Variants in DLGAP2 observed in about 807,000 individuals in gnomAD.
DLGAP2 encodes disks large-associated protein 2.
DLGAP2 carries 26 observed loss-of-function variants against 100.3 expected under a neutral mutation model. That is an observed-to-expected ratio of 0.26 (90% CI 0.19 to 0.36). DLGAP2 has a LOEUF of 0.36. DLGAP2 is among the 10% of genes least tolerant of loss of function. The pLI is 1.00. For missense variants in DLGAP2, 1,858 were observed against 1,453.2 expected, an observed-to-expected ratio of 1.28 and a Z score of -4.53; for synonymous variants, 886 against 630.1, an observed-to-expected ratio of 1.41 and a Z score of -6.08.
intron 2 of DLGAP2, among the ~76,000 whole-genome samples, chr8:1,049,727 G>T (rs564983347): frequency 6.2e-4 from 93 of 151,106 alleles, no homozygotes; most frequent in Non-Finnish European, 1.0e-3. Flanking sequence ...ATGAATGGAG[G>T]CACAGACATA....
At chr8:906,157 G>A (rs1412006368) in intron 1 of DLGAP2, among the ~76,000 whole-genome samples, 1 of 152,226 alleles carries the variant, frequency 6.6e-6, no homozygotes, top group East Asian at 1.9e-4. Flanking sequence ...TGTGATTTCA[G>A]CCGGGAGGAG....
chr8:1,528,518 G>A (rs1373573860), intron 4 of DLGAP2, among the ~76,000 whole-genome samples: 2 of 152,250 alleles, frequency 1.3e-5, no homozygotes, highest in Admixed American at 6.5e-5. Context: ...GAACTTGACA[G>A]AAATGTAGAT....
At chr8:1,241,174 GCGCCGTGTCTCGTTCTCT>G (rs1489994849) in intron 2 of DLGAP2, among the ~76,000 whole-genome samples, 5 of 19,370 alleles carry the variant, frequency 2.6e-4, no homozygotes, top group Admixed American at 8.1e-4. Context: ...CTCTCACGTG[GCGCCGTGTCTCGTTCTCT>G]CACATGGAGC....
At chr8:978,878 C>T (rs919223704) in intron 2 of DLGAP2, among the ~76,000 whole-genome samples, 4 of 152,166 alleles carry the variant, frequency 2.6e-5, no homozygotes, top group African/African-American at 9.7e-5. Flanking sequence ...ATCCCAAATA[C>T]TCATAGCCAA....
At chr8:837,351 C>G (rs1163039878) in intron 1 of DLGAP2, among the ~76,000 whole-genome samples, 2 of 152,338 alleles carry the variant, frequency 1.3e-5, no homozygotes, top group East Asian at 3.9e-4. Flanking sequence ...AGCCACTTTT[C>G]GTGGTTCCTG....
chr8:1,510,633 G>A (rs572000660), intron 4 of DLGAP2, among the ~76,000 whole-genome samples: 3 of 152,202 alleles, frequency 2.0e-5, no homozygotes, highest in Non-Finnish European at 2.9e-5. Flanking sequence ...GTCACAGGAC[G>A]CGCATTCTCA....
At chr8:1,606,523 A>G (rs1796805899) in intron 6 of DLGAP2, among the ~76,000 whole-genome samples, 1 of 152,160 alleles carries the variant, frequency 6.6e-6, no homozygotes, top group African/African-American at 2.4e-5. Flanking sequence ...CGTTTTCAAC[A>G]TTGATCCACA....
At chr8:822,033 G>A (rs562440377) in intron 1 of DLGAP2, 50 of 398,290 alleles carry the variant, frequency 1.3e-4, no homozygotes, top group Non-Finnish European at 2.1e-4. Context: ...TTTCCCCATA[G>A]GGGAGGTTAT....
chr8:1,186,873 C>A (rs987088127), intron 2 of DLGAP2, among the ~76,000 whole-genome samples: 1 of 152,166 alleles, frequency 6.6e-6, no homozygotes, highest in Admixed American at 6.5e-5. Flanking sequence ...CATGCCCCCA[C>A]GTCTGCCCTA....
At chr8:745,305 G>A (rs1253575543) in intron 1 of DLGAP2, among the ~76,000 whole-genome samples, 1 of 152,166 alleles carries the variant, frequency 6.6e-6, no homozygotes, top group African/African-American at 2.4e-5. Flanking sequence ...AAACAATTGA[G>A]AATTGTAGTT....
At chr8:956,241 T>G (rs527508900) in intron 2 of DLGAP2, among the ~76,000 whole-genome samples, 88 of 152,376 alleles carry the variant, frequency 5.8e-4, no homozygotes, top group African/African-American at 2.0e-3. Context: ...ACTTTTCCAC[T>G]GTGCACAGCG....
At chr8:1,413,309 T>A (rs1481716940) in intron 3 of DLGAP2, among the ~76,000 whole-genome samples, 1 of 152,124 alleles carries the variant, frequency 6.6e-6, no homozygotes, top group Non-Finnish European at 1.5e-5. Context: ...AATGAATAAA[T>A]GGATAGATAT....
chr8:1,091,638 G>C (rs1023141002), intron 2 of DLGAP2, among the ~76,000 whole-genome samples: 4 of 152,192 alleles, frequency 2.6e-5, no homozygotes, highest in Admixed American at 2.0e-4. Flanking sequence ...GTGTTAAATG[G>C]AGACCTGCAT....
intron 12 of DLGAP2, among the ~76,000 whole-genome samples, chr8:1,690,864 C>T (rs1480582339): frequency 1.3e-5 from 2 of 152,060 alleles, no homozygotes; most frequent in Non-Finnish European, 2.9e-5. Flanking sequence ...ATACTGGGTA[C>T]ATGGATTGGT....
At chr8:1,069,476 C>T (rs2129036996) in intron 2 of DLGAP2, among the ~76,000 whole-genome samples, 1 of 152,294 alleles carries the variant, frequency 6.6e-6, no homozygotes, top group East Asian at 1.9e-4. Flanking sequence ...AAAAAGAAGG[C>T]TCAGCAACCG....
At position 1,462,392 on chromosome 8, in the gene DLGAP2, C is replaced by T. The variant is rs181698984; in HGVS notation, c.107-38974C>T. Reference sequence around the variant, plus strand: ...TGACCAGGAGGAGGGAGAAGGGTGGCATTCGGGTTGGGAGAAGCTGCTGCT... The same window carrying T: ...TGACCAGGAGGAGGGAGAAGGGTGGTATTCGGGTTGGGAGAAGCTGCTGCT... On this transcript the variant is annotated intron_variant, in intron 3 of 14. Transcript: ENST00000637795. 1.0e-3 allele frequency among the ~76,000 whole-genome samples: 91 copies of T among 91,264 alleles called. 4 individuals are homozygous for T. The highest frequency in any genetic ancestry group is 3.1e-3 in the African/African-American group (78 of 25,282). 59.9% of individuals were successfully genotyped at this position (91,264 alleles called of 152,430 possible).
chr8:932,613 A>G (rs1798983672), intron 2 of DLGAP2, among the ~76,000 whole-genome samples: 1 of 152,248 alleles, frequency 6.6e-6, no homozygotes, highest in African/African-American at 2.4e-5. Flanking sequence ...TAGTAAGCAC[A>G]TAATGAATCA....
At chr8:1,558,222 T>C (rs1802032734) in intron 5 of DLGAP2, among the ~76,000 whole-genome samples, 2 of 152,150 alleles carry the variant, frequency 1.3e-5, no homozygotes, top group African/African-American at 2.4e-5. Context: ...ATGAGGGCGA[T>C]AGGAGCTGGA....
intron 4 of DLGAP2, among the ~76,000 whole-genome samples, chr8:1,540,111 G>A (rs184804907): frequency 7.9e-5 from 12 of 152,274 alleles, no homozygotes; most frequent in Admixed American, 7.2e-4. Flanking sequence ...AGCTGTGGAC[G>A]CACCGTGCCT....
Sources: gnomAD v4.1 joint callset for allele counts (sites outside exome capture counted in the v4.1 genomes callset) on GRCh38, gnomAD v4.1.1 for gene constraint, MANE v1.5 for transcripts, NCBI Gene and HGNC (gene_info 2026-07-23, HGNC 2026-07-21) for gene names.